The following RC3H2 variants were observed in gnomAD, a reference collection of about 807,000 sequenced individuals.
RC3H2 encodes ring finger and CCCH-type domains 2.
Under a neutral mutation model 133.3 loss-of-function variants are expected in RC3H2, and 31 were observed. That is an observed-to-expected ratio of 0.23 (90% CI 0.17 to 0.31). RC3H2 has a LOEUF of 0.31. RC3H2 is among the 10% of genes least tolerant of loss of function. The probability of loss-of-function intolerance (pLI) is 1.00; values close to 1 mark genes in which losing one functional copy is unlikely to be tolerated. For missense variants in RC3H2, 1,175 were observed against 1,437.2 expected (o/e 0.82, Z 2.95); for synonymous variants, 517 against 502.2 (o/e 1.03, Z -0.40).
At chr9:122,905,077 G>C in intron 1 of RC3H2, 33 bp downstream of exon 1, 1 of 985,072 alleles carries the variant, frequency 1.0e-6, no homozygotes, top group African/African-American at 1.7e-5. Flanking sequence ...CCGGGCTGGG[G>C]CCCGAGCCGC....
At chr9:122,861,454 C>T (rs1028314887) in intron 10 of RC3H2, among the ~76,000 whole-genome samples, 3 of 145,850 alleles carry the variant, frequency 2.1e-5, no homozygotes, top group African/African-American at 7.7e-5. Context: ...CACGCCATTG[C>T]ACTCCAGCCC....
At chr9:122,893,684 C>T (rs1832291565) in intron 2 of RC3H2, among the ~76,000 whole-genome samples, 1 of 151,956 alleles carries the variant, frequency 6.6e-6, no homozygotes, top group African/African-American at 2.4e-5. Context: ...TTTTTTGCAA[C>T]TTTTTTGTAA....
chr9:122,890,532 C>T lies in RC3H2; in HGVS notation c.363G>A (p.Leu121=). ...TTGGACGGCTCAGTGCACTCTGGTT[C>T]AAGCTAGCTACACCTTTAGGAAAAG... ...PLSGGKGVAS[L]NQSALSRPMQ... The change falls in exon 4 of 21, where the codon TTG becomes TTA. Residue 121 remains leucine (L), a synonymous_variant. Coordinates refer to ENST00000357244, the MANE Select transcript of RC3H2 (RefSeq NM_001100588.3). 1 of 1,611,898 alleles carries T rather than the reference C, an allele frequency of 6.2e-7. No individual in the cohort carries two copies. The highest frequency in any genetic ancestry group is 8.5e-7 in the Non-Finnish European group (1 of 1,178,090).
chr9:122,875,088 G>C (rs1359971188), intron 9 of RC3H2: 1 of 1,331,694 alleles, frequency 7.5e-7, no homozygotes, highest in Non-Finnish European at 9.8e-7. Flanking sequence ...ATTTCCTGGA[G>C]TCTCCCAAAT....
chr9:122,899,690 A>T (rs1177184567), intron 1 of RC3H2, among the ~76,000 whole-genome samples: 4 of 152,240 alleles, frequency 2.6e-5, no homozygotes, highest in Non-Finnish European at 5.9e-5. Context: ...GAACATTTTT[A>T]ACATCCAGTT....
At chr9:122,898,302 A>G (rs1832505475) in intron 1 of RC3H2, among the ~76,000 whole-genome samples, 1 of 152,244 alleles carries the variant, frequency 6.6e-6, no homozygotes, top group African/African-American at 2.4e-5. Context: ...AAACTACATT[A>G]TTTAGCGATT....
intron 9 of RC3H2, chr9:122,875,278 C>G: frequency 6.4e-7 from 1 of 1,550,828 alleles, no homozygotes; most frequent in Non-Finnish European, 8.7e-7. Flanking sequence ...TATCACAATG[C>G]TGCTGCTTGT....
intron 6 of RC3H2, 177 bp from the exon 7 acceptor site, chr9:122,880,302 T>C (rs1365631615): frequency 1.2e-6 from 1 of 849,472 alleles, no homozygotes; most frequent in Non-Finnish European, 2.0e-6. Context: ...AATTCATCAT[T>C]AGACACTTAG....
rs781520764 is a variant in RC3H2 at position 122,849,219 on chromosome 9, TTAAC to T, written c.*404_*407del. On this transcript the variant is annotated 3_prime_UTR_variant, in exon 21 of 21. Coordinates refer to ENST00000357244, the MANE Select transcript of RC3H2 (RefSeq NM_001100588.3). ...GAAACATAAAATAGAAATAAATAAGTTAACTAAGTCTACTTTCACTAGATGTATC... is the reference window on the plus strand; with the variant it reads ...GAAACATAAAATAGAAATAAATAAGTTAAGTCTACTTTCACTAGATGTATC... The T allele has an allele frequency of 6.6e-6, 1 of 152,116 alleles. No homozygotes were observed. Among genetic ancestry groups the T allele is most frequent in the Admixed American group, 6.5e-5 (1 of 15,274 alleles). 9.4% of individuals were successfully genotyped at this position (152,116 alleles called of 1,614,324 possible).
intron 5 of RC3H2, among the ~76,000 whole-genome samples, chr9:122,881,332 C>T (rs1831617990): frequency 1.3e-5 from 2 of 151,538 alleles, no homozygotes; most frequent in African/African-American, 4.8e-5. Context: ...AGAAAAAATA[C>T]AAAAACTAGT....
At chr9:122,865,260 A>AAC in intron 10 of RC3H2, 89 bp downstream of exon 10, 6 of 1,124,342 alleles carry the variant, frequency 5.3e-6, no homozygotes, top group Non-Finnish European at 1.3e-6. Context: ...AATTCTGATT[A>AAC]ACCGGTATTC....
intron 2 of RC3H2, among the ~76,000 whole-genome samples, chr9:122,894,128 G>A (rs947515564): frequency 3.3e-5 from 5 of 151,896 alleles, no homozygotes; most frequent in Admixed American, 1.3e-4. Context: ...GCGTGGTGGC[G>A]GGCACCTGTA....
chr9:122,868,566 C>T (rs1830861442), intron 9 of RC3H2, among the ~76,000 whole-genome samples: 1 of 151,704 alleles, frequency 6.6e-6, no homozygotes, highest in Admixed American at 6.6e-5. Flanking sequence ...GAGTCATCAC[C>T]ACTCCCTAAT....
intron 1 of RC3H2, among the ~76,000 whole-genome samples, chr9:122,898,736 C>T (rs1472834960): frequency 1.9e-5 from 2 of 107,714 alleles, no homozygotes; most frequent in Non-Finnish European, 3.6e-5. Flanking sequence ...ACAAAAAGAG[C>T]GAAACTTAAT....
At chr9:122,896,573 A>T (rs1832428549) in intron 2 of RC3H2, among the ~76,000 whole-genome samples, 1 of 152,244 alleles carries the variant, frequency 6.6e-6, no homozygotes. Flanking sequence ...CTTTCGCAGA[A>T]TACAATCATG....
Position 122,880,080 on chromosome 9 carries a change from T to C in RC3H2, c.1006A>G (p.Ile336Val). 1 of 1,614,120 alleles carries C rather than the reference T, an allele frequency of 6.2e-7. No individual in the cohort carries two copies. ...GGGTCACCTGTTCGTTGCAAAACAA[T>C]TGTCAATTCCTGGACACTCTTTGCA... The part of the protein sequence containing the change: ...SFAKSVQELT[I>V]VLQRTGDPAN... The change falls in exon 7 of 21, where the codon ATT becomes GTT. Residue 336 changes from isoleucine (I) to valine (V), a missense_variant. By Grantham distance (29) the Ile-to-Val change is conservative (BLOSUM62 3). Transcript: ENST00000357244.
intron 9 of RC3H2, among the ~76,000 whole-genome samples, chr9:122,868,406 C>A (rs1195907076): frequency 1.3e-5 from 2 of 152,008 alleles, no homozygotes; most frequent in African/African-American, 4.8e-5. Context: ...AAGAAAAATT[C>A]TTCTGCCTTG....
chr9:122,882,439 G>A (rs1831687208), intron 5 of RC3H2, among the ~76,000 whole-genome samples: 2 of 152,128 alleles, frequency 1.3e-5, no homozygotes, highest in African/African-American at 2.4e-5. Flanking sequence ...ACTCTTGGGG[G>A]CTATAAAACC....
intron 18 of RC3H2, among the ~76,000 whole-genome samples, chr9:122,851,939 C>T (rs1436551912): frequency 3.9e-5 from 6 of 151,980 alleles, no homozygotes; most frequent in South Asian, 2.1e-4. Flanking sequence ...AAGTGAGGAG[C>T]GTCTCTGCCT....
Sources: gnomAD v4.1 joint callset for allele counts (sites outside exome capture counted in the v4.1 genomes callset) on GRCh38, gnomAD v4.1.1 for gene constraint, MANE v1.5 for transcripts, NCBI Gene and HGNC (gene_info 2026-07-23, HGNC 2026-07-21) for gene names.